Variants in GRM8 observed in about 807,000 individuals in gnomAD.
GRM8 encodes the protein metabotropic glutamate receptor 8.
A neutral mutation model predicts 87.2 loss-of-function variants in GRM8; 47 were observed. That is an observed-to-expected ratio of 0.54 (90% CI 0.43 to 0.69). The LOEUF (loss-of-function observed/expected upper bound fraction) is 0.69, where lower values mean the gene tolerates loss of function less well. Among genes scored for constraint, GRM8 ranks in the 30% least tolerant of loss-of-function variants. GRM8 has a pLI of 0.00. For synonymous variants in GRM8, 396 were observed against 404.5 expected (o/e 0.98, Z 0.25); for missense variants, 1,019 against 1,139.2 (o/e 0.89, Z 1.52).
chr7:126,454,722 TA>T (rs1476588929), intron 9 of GRM8, among the ~76,000 whole-genome samples: 1 of 151,536 alleles, frequency 6.6e-6, no homozygotes, highest in African/African-American at 2.4e-5. Flanking sequence ...GATGGGCTTA[TA>T]AGGAGAAGAA....
chr7:126,788,086 T>C (rs1024618586), intron 6 of GRM8, among the ~76,000 whole-genome samples: 11 of 152,172 alleles, frequency 7.2e-5, no homozygotes, highest in Admixed American at 3.9e-4. Flanking sequence ...ACAAAAATGA[T>C]GAGTTACCTG....
intron 9 of GRM8, among the ~76,000 whole-genome samples, chr7:126,470,770 A>T (rs1805096004): frequency 6.6e-6 from 1 of 152,150 alleles, no homozygotes; most frequent in South Asian, 2.1e-4. Flanking sequence ...GGCCACACTG[A>T]TTTCCACAAT....
chr7:126,761,260 T>C (rs1188245527), intron 7 of GRM8, among the ~76,000 whole-genome samples: 2 of 150,920 alleles, frequency 1.3e-5, no homozygotes, highest in Non-Finnish European at 3.0e-5. Flanking sequence ...GATATATCAA[T>C]AGTATATATA....
chr7:126,806,456 G>C (rs1792733114), intron 6 of GRM8, among the ~76,000 whole-genome samples: 1 of 152,216 alleles, frequency 6.6e-6, no homozygotes, highest in Non-Finnish European at 1.5e-5. Context: ...AGTGCATTGT[G>C]GCTGCTTGCG....
intron 9 of GRM8, among the ~76,000 whole-genome samples, chr7:126,526,404 C>T (rs1487164175): frequency 3.3e-5 from 5 of 152,006 alleles, no homozygotes; most frequent in East Asian, 3.9e-4. Flanking sequence ...TCAACCATTT[C>T]GATGTGTTAG....
chr7:126,669,892 C>G (rs1432695734), intron 7 of GRM8, among the ~76,000 whole-genome samples: 8 of 151,916 alleles, frequency 5.3e-5, no homozygotes, highest in African/African-American at 1.5e-4. Context: ...AAGAGAAAGC[C>G]GAAGGTTCAA....
chr7:127,103,101 C>G (rs376133803), intron 3 of GRM8, among the ~76,000 whole-genome samples: 41 of 152,272 alleles, frequency 2.7e-4, no homozygotes, highest in East Asian at 2.1e-3. Context: ...CCTCAGCCCC[C>G]CAAAGTGCTG....
At chr7:127,177,773 A>G (rs932858716) in intron 2 of GRM8, among the ~76,000 whole-genome samples, 1 of 152,184 alleles carries the variant, frequency 6.6e-6, no homozygotes, top group African/African-American at 2.4e-5. Flanking sequence ...TTTGGCTCTC[A>G]GGAAGCCACA....
intron 7 of GRM8, among the ~76,000 whole-genome samples, chr7:126,671,300 A>G (rs1806362001): frequency 6.6e-6 from 1 of 152,202 alleles, no homozygotes; most frequent in African/African-American, 2.4e-5. Context: ...CTTGGCTTTA[A>G]AAGGTCTTAT....
At chr7:126,736,632 A>T (rs1814262255) in intron 7 of GRM8, among the ~76,000 whole-genome samples, 1 of 152,076 alleles carries the variant, frequency 6.6e-6, no homozygotes, top group Non-Finnish European at 1.5e-5. Context: ...ATTTCCTCTG[A>T]GGCTACACGA....
At chr7:126,492,252 C>T (rs546396796) in intron 9 of GRM8, among the ~76,000 whole-genome samples, 6 of 151,906 alleles carry the variant, frequency 3.9e-5, no homozygotes, top group African/African-American at 1.4e-4. Flanking sequence ...GGTTTCGCCA[C>T]GTTGCCCAGG....
In GRM8 at chr7:127,243,100, C is replaced by G; in HGVS notation, c.105G>C (p.Glu35Asp). The G allele has an allele frequency of 6.2e-7, 1 of 1,614,124 alleles. No individual in the cohort carries two copies. Among genetic ancestry groups the G allele is most frequent in the Non-Finnish European group, 8.5e-7 (1 of 1,179,998 alleles). Residue 35 changes from glutamate to aspartate, a missense_variant, in exon 2 of 11, where the codon GAG (glutamate) becomes GAC (aspartate). Transcript: ENST00000339582. ...LTMMQRTHSQEYAHSIRVDGD... is the reference protein window; with the variant it reads ...LTMMQRTHSQDYAHSIRVDGD... ...CATCCACCCGTATGGAATGGGCATA[C>G]TCCTGGCTGTGAGTTCTTTGCATCA...
At chr7:126,640,780 CTG>C (rs1802301157) in intron 7 of GRM8, among the ~76,000 whole-genome samples, 1 of 152,046 alleles carries the variant, frequency 6.6e-6, no homozygotes, top group African/African-American at 2.4e-5. Flanking sequence ...TGCTCTCTCC[CTG>C]TCTCCTGATT....
At chr7:127,190,276 C>A (rs1483567671) in intron 2 of GRM8, among the ~76,000 whole-genome samples, 1 of 152,162 alleles carries the variant, frequency 6.6e-6, no homozygotes, top group Non-Finnish European at 1.5e-5. Context: ...ATTCTAGTAG[C>A]CAAAGCAAGC....
chr7:126,712,333 C>T (rs750904344), intron 7 of GRM8, among the ~76,000 whole-genome samples: 1 of 151,920 alleles, frequency 6.6e-6, no homozygotes, highest in Non-Finnish European at 1.5e-5. Flanking sequence ...TATAATGCTC[C>T]AAAACAATTA....
chr7:127,172,860 G>A (rs1793897409), intron 2 of GRM8, among the ~76,000 whole-genome samples: 1 of 152,160 alleles, frequency 6.6e-6, no homozygotes, highest in Non-Finnish European at 1.5e-5. Context: ...AACATGCTTT[G>A]TACCAACATG....
intron 7 of GRM8, among the ~76,000 whole-genome samples, chr7:126,716,789 A>G (rs1440729660): frequency 1.3e-5 from 2 of 152,140 alleles, no homozygotes; most frequent in East Asian, 3.8e-4. Context: ...CGGTGAGGAG[A>G]GAGAAAATGA....
At chr7:126,694,108 TA>T (rs1809115960) in intron 7 of GRM8, among the ~76,000 whole-genome samples, 1 of 151,270 alleles carries the variant, frequency 6.6e-6, no homozygotes, top group African/African-American at 2.4e-5. Context: ...GAAAACAAAC[TA>T]AACTATATAT....
intron 7 of GRM8, among the ~76,000 whole-genome samples, chr7:126,686,884 T>G (rs934361387): frequency 1.3e-5 from 2 of 152,082 alleles, no homozygotes; most frequent in African/African-American, 4.8e-5. Flanking sequence ...TACTATTTCC[T>G]TCTATCCAAA....
Sources: allele counts gnomAD v4.1 joint callset (sites outside exome capture counted in the v4.1 genomes callset), GRCh38; gene constraint gnomAD v4.1.1; transcripts MANE v1.5; gene names NCBI Gene and HGNC (gene_info 2026-07-23, HGNC 2026-07-21).